COTL1: variants seen among roughly 807,000 people sequenced by gnomAD.
COTL1 encodes the protein coactosin like F-actin binding protein 1.
In COTL1, 15 loss-of-function variants were observed where a neutral mutation model predicts 16.5. The ratio of observed to expected loss-of-function variants is 0.91; its 90% CI spans 0.61 to 1.40. The LOEUF is 1.40. COTL1 is among the 40% of genes most tolerant of loss of function. COTL1 has a pLI of 0.00. For synonymous variants in COTL1, 112 were observed against 85.3 expected (o/e 1.31, Z -1.73); for missense variants, 220 against 201.5 (o/e 1.09, Z -0.56).
intron 3 of COTL1, among the ~76,000 whole-genome samples, chr16:84,587,292 C>G (rs1190956144): frequency 1.3e-5 from 2 of 152,310 alleles, no homozygotes; most frequent in African/African-American, 4.8e-5. Flanking sequence ...TCCTCGGTCC[C>G]AGGCACAGTG....
intron 2 of COTL1, among the ~76,000 whole-genome samples, chr16:84,603,293 T>G (rs973649712): frequency 6.6e-6 from 1 of 152,140 alleles, no homozygotes. Context: ...CATTACCCCA[T>G]GCAACATCCG....
At chr16:84,570,490 A>AG (rs1904321144) in intron 3 of COTL1, among the ~76,000 whole-genome samples, 2 of 152,042 alleles carry the variant, frequency 1.3e-5, no homozygotes, top group Admixed American at 1.3e-4. Flanking sequence ...CTACAAAAAA[A>AG]AAACCCTCAA....
In COTL1 at chr16:84,566,844, G is replaced by C. The variant is rs745342465; in HGVS notation, c.*1C>G. On this transcript the variant is annotated 3_prime_UTR_variant, in exon 4 of 4. Transcript: ENST00000262428. ...AAGGGGTGGTGTGGCGGGGGCTGGGGTTACTCCGTCTGGGCGTCGTAATTG... is the reference window on the plus strand; with the variant it reads ...AAGGGGTGGTGTGGCGGGGGCTGGGCTTACTCCGTCTGGGCGTCGTAATTG... 1.9e-6 allele frequency: 3 copies of C among 1,606,076 alleles called. No homozygotes were observed. The highest frequency in any genetic ancestry group is 2.7e-5 in the African/African-American group (2 of 74,776).
chr16:84,591,365 A>C (rs12925566), intron 2 of COTL1, among the ~76,000 whole-genome samples: 36,998 of 151,088 alleles, frequency 0.24, 4,734 homozygotes, highest in Middle Eastern at 0.35. Context: ...TTGTATTTTT[A>C]GTAGAGATGG....
intron 3 of COTL1, among the ~76,000 whole-genome samples, chr16:84,578,981 G>C (rs890343660): frequency 6.6e-6 from 1 of 150,684 alleles, no homozygotes; most frequent in African/African-American, 2.4e-5. Flanking sequence ...GCACATCCAA[G>C]CATGCGTACA....
chr16:84,603,902 A>G (rs1480993109), intron 2 of COTL1, among the ~76,000 whole-genome samples: 1 of 151,250 alleles, frequency 6.6e-6, no homozygotes, highest in Middle Eastern at 3.2e-3. Context: ...GAGGCCTCAC[A>G]TGGCTCCCGG....
chr16:84,613,588 T>C (rs1163728659), intron 2 of COTL1, among the ~76,000 whole-genome samples: 1 of 151,822 alleles, frequency 6.6e-6, no homozygotes, highest in African/African-American at 2.4e-5. Flanking sequence ...AAGGGAGCCA[T>C]AGAAGGTTAA....
intron 2 of COTL1, among the ~76,000 whole-genome samples, chr16:84,611,176 G>A (rs188298967): frequency 2.3e-4 from 35 of 152,266 alleles, no homozygotes; most frequent in African/African-American, 6.7e-4. Flanking sequence ...AAAGCAAGAC[G>A]CCCCAGCCTC....
intron 2 of COTL1, among the ~76,000 whole-genome samples, chr16:84,599,700 C>CT (rs1905073590): frequency 6.6e-6 from 1 of 152,152 alleles, no homozygotes; most frequent in South Asian, 2.1e-4. Flanking sequence ...AAGATTGCAG[C>CT]TCACTCTAAA....
intron 3 of COTL1, among the ~76,000 whole-genome samples, chr16:84,571,353 C>T (rs1331311874): frequency 1.3e-5 from 2 of 152,206 alleles, no homozygotes; most frequent in Non-Finnish European, 2.9e-5. Context: ...TCACCATGGC[C>T]TCATAGACAG....
rs940747684 is a variant in COTL1, at chr16:84,566,512, A to C, written c.*333T>G. On this transcript the variant is annotated 3_prime_UTR_variant, in exon 4 of 4. Coordinates refer to ENST00000262428, the MANE Select transcript of COTL1 (RefSeq NM_021149.5). ...GCAGACCTCGTCGCGTGGAAGAGAA[A>C]TGCCAGGAAAAGGGGTCACTGCAGG... 1 of 217,050 alleles carries C rather than the reference A, an allele frequency of 4.6e-6. No homozygotes were observed. The highest frequency in any genetic ancestry group is 2.3e-5 in the African/African-American group (1 of 43,530). 13.4% of individuals were successfully genotyped at this position (217,050 alleles called of 1,614,324 possible). A position where few individuals can be genotyped will look rare whatever the true frequency, so the allele number is the denominator to read the frequency against.
intron 2 of COTL1, among the ~76,000 whole-genome samples, chr16:84,606,134 C>G (rs1350765821): frequency 6.6e-6 from 1 of 152,220 alleles, no homozygotes; most frequent in Admixed American, 6.5e-5. Flanking sequence ...CCTTCAAAAA[C>G]CAGCCTCTGG....
rs1413147501 is a variant in COTL1 at position 84,590,148 on chromosome 16, G to A, written c.275C>T (p.Ala92Val). 2.5e-6 allele frequency: 4 copies of A among 1,614,104 alleles called. No individual in the cohort carries two copies. Among genetic ancestry groups the A allele is most frequent in the East Asian group, 2.2e-5 (1 of 44,888 alleles). The change falls in exon 3 of 4, where the codon GCC becomes GTC. Residue 92 changes from alanine to valine, a missense_variant. Ala to Val is a moderately conservative substitution (Grantham distance 64). Transcript: ENST00000262428. This position sits in a 1 kb window ranked among gnomAD's most constrained non-coding sequence, Gnocchi z 5.5. ...IGENVSGLQR[A>V]KTGTDKTLVK... The stretch of plus-strand genomic sequence containing the variant: ...CAGGGTCTTGTCCGTCCCGGTTTTG[G>A]CGCGCTGCAGCCCGCTGACGTTCTC...
intron 3 of COTL1, among the ~76,000 whole-genome samples, chr16:84,582,423 C>T (rs1173751755): frequency 3.9e-5 from 6 of 152,236 alleles, no homozygotes; most frequent in East Asian, 1.9e-4. Flanking sequence ...GGATTACAGG[C>T]ATAAGCCATG....
intron 3 of COTL1, among the ~76,000 whole-genome samples, chr16:84,583,744 G>A (rs895279649): frequency 4.6e-5 from 7 of 152,122 alleles, no homozygotes; most frequent in South Asian, 2.1e-4. Context: ...ACAGGTGTGC[G>A]CCACTAAGCC....
At chr16:84,593,849 A>G (rs7193314) in intron 2 of COTL1, among the ~76,000 whole-genome samples, 3,160 of 152,152 alleles carry the variant, frequency 0.021, 62 homozygotes, top group Middle Eastern at 0.058. Context: ...GACACTCACA[A>G]TGTTGTGCCA....
At chr16:84,617,328 G>A (rs751207525) in intron 2 of COTL1, among the ~76,000 whole-genome samples, 173 bp downstream of exon 2, 1 of 152,176 alleles carries the variant, frequency 6.6e-6, no homozygotes, top group African/African-American at 2.4e-5. Context: ...ATGTCCAGAG[G>A]GGAGAAGGTT....
At chr16:84,615,593 A>C (rs540028159) in intron 2 of COTL1, among the ~76,000 whole-genome samples, 13 of 152,322 alleles carry the variant, frequency 8.5e-5, no homozygotes, top group Admixed American at 2.0e-4. Flanking sequence ...TGTAAAGCAT[A>C]GCCTCAGAGC....
At chr16:84,583,740 G>A (rs983079954) in intron 3 of COTL1, among the ~76,000 whole-genome samples, 15 of 152,272 alleles carry the variant, frequency 9.9e-5, no homozygotes, top group African/African-American at 3.6e-4. Context: ...GATTACAGGT[G>A]TGCGCCACTA....
Sources: gnomAD v4.1 joint callset for allele counts (sites outside exome capture counted in the v4.1 genomes callset) on GRCh38, gnomAD v4.1.1 for gene constraint, Gnocchi (gnomAD v3.1) non-coding constraint, MANE v1.5 for transcripts, NCBI Gene and HGNC (gene_info 2026-07-23, HGNC 2026-07-21) for gene names.